The following CADM3 variants were observed in gnomAD, a reference collection of about 807,000 sequenced individuals.
The protein encoded by CADM3 is TSLC1-like 1.
Under a neutral mutation model 44.9 loss-of-function variants are expected in CADM3, and 11 were observed. The ratio of observed to expected loss-of-function variants is 0.25; its 90% CI spans 0.15 to 0.41. The LOEUF (loss-of-function observed/expected upper bound fraction) is 0.41. CADM3 is among the 10% of genes least tolerant of loss of function. The probability of loss-of-function intolerance (pLI) is 1.00; values close to 1 mark genes in which losing one functional copy is unlikely to be tolerated. For synonymous variants in CADM3, 207 were observed against 205.2 expected (o/e 1.01, Z -0.08); for missense variants, 426 against 512.0 (o/e 0.83, Z 1.62).
intron 1 of CADM3, among the ~76,000 whole-genome samples, chr1:159,172,100 T>A (rs1427578902): frequency 6.6e-6 from 1 of 152,112 alleles, no homozygotes; most frequent in Non-Finnish European, 1.5e-5. Flanking sequence ...GGGGTTTGGC[T>A]CTCGGGGCTG....
chr1:159,181,772 C>T (rs964143277), intron 1 of CADM3, among the ~76,000 whole-genome samples: 1 of 152,158 alleles, frequency 6.6e-6, no homozygotes, highest in African/African-American at 2.4e-5. Flanking sequence ...GCACCAAGAA[C>T]ACTGACTCAA....
intron 1 of CADM3, among the ~76,000 whole-genome samples, chr1:159,184,648 C>T (rs370597333): frequency 3.3e-5 from 5 of 152,156 alleles, no homozygotes; most frequent in African/African-American, 4.8e-5. Flanking sequence ...AAAACAGACA[C>T]GGCAGGGACA....
chr1:159,200,663 G>A (rs907763079), intron 8 of CADM3, 141 bp from the exon 9 acceptor site: 7 of 592,674 alleles, frequency 1.2e-5, no homozygotes. Context: ...ATGCGAATTA[G>A]GTAAGGTGGA....
chr1:159,185,171 GA>G (rs1400710952), intron 1 of CADM3, among the ~76,000 whole-genome samples: 1 of 152,184 alleles, frequency 6.6e-6, no homozygotes, highest in Non-Finnish European at 1.5e-5. Context: ...AGGGGTCCAT[GA>G]AATAGTCCCA....
Position 159,193,410 on chromosome 1 carries a change from C to T in CADM3, c.383-13C>T, listed in dbSNP as rs1649750771. The T allele has an allele frequency of 1.3e-6, 2 of 1,582,172 alleles. No homozygotes were observed. Among genetic ancestry groups the T allele is most frequent in the South Asian group, 1.2e-5 (1 of 84,850 alleles). On this transcript the variant is annotated splice_polypyrimidine_tract_variant and intron_variant, in intron 3 of 8. Transcript: ENST00000368125. Reference sequence around the variant, plus strand: ...CTCTCCTTCCTATCCTGGCCATCCCCTATCCATGGCAGGAATTCCACAGAA... The same window carrying T: ...CTCTCCTTCCTATCCTGGCCATCCCTTATCCATGGCAGGAATTCCACAGAA...
chr1:159,191,869 CT>C, intron 1 of CADM3, 66 bp from the exon 2 acceptor site: 1 of 1,595,814 alleles, frequency 6.3e-7, no homozygotes, highest in Non-Finnish European at 8.6e-7. Flanking sequence ...ATGAGGTGTA[CT>C]TTGGCTCAGA....
Position 159,182,772 on chromosome 1 carries a change from C to T in CADM3, c.89-9164C>T, listed in dbSNP as rs553069427. Among the ~76,000 whole-genome samples the T allele has an allele frequency of 4.6e-5, 7 of 152,256 alleles. No individual in the cohort carries two copies. The South Asian group carries it at 6.2e-4, about 14-fold the overall frequency. ...GGATTCAGTAGGCTATGACCAGATACGCAAGTTGGCTGCAAGGTTTTAGGA... is the reference window on the plus strand; with the variant it reads ...GGATTCAGTAGGCTATGACCAGATATGCAAGTTGGCTGCAAGGTTTTAGGA... On this transcript the variant is annotated intron_variant, in intron 1 of 8. Coordinates refer to ENST00000368125, the MANE Select transcript of CADM3 (RefSeq NM_001127173.3).
intron 7 of CADM3, 25 bp downstream of exon 7, chr1:159,197,085 T>G: frequency 1.9e-6 from 3 of 1,605,906 alleles, no homozygotes; most frequent in Non-Finnish European, 2.6e-6. Context: ...GTTCTCTTCC[T>G]CCAGAATCTC....
intron 1 of CADM3, among the ~76,000 whole-genome samples, chr1:159,190,347 A>G (rs1649598444): frequency 6.6e-6 from 1 of 152,222 alleles, no homozygotes; most frequent in Admixed American, 6.5e-5. Context: ...CATAGTTTTA[A>G]TGCTCAATTT....
intron 2 of CADM3, 152 bp downstream of exon 2, chr1:159,192,228 G>T (rs545145420): frequency 6.0e-6 from 5 of 827,140 alleles, no homozygotes; most frequent in Non-Finnish European, 9.3e-6. Flanking sequence ...TCCCCAACTG[G>T]TTCCAGTATT....
At chr1:159,200,160 C>T (rs1650098261) in intron 8 of CADM3, among the ~76,000 whole-genome samples, 1 of 152,178 alleles carries the variant, frequency 6.6e-6, no homozygotes, top group South Asian at 2.1e-4. Flanking sequence ...ACCTCCAGGT[C>T]TCCTGCTGCA....
chr1:159,199,587 G>T (rs550682215), intron 7 of CADM3, among the ~76,000 whole-genome samples, 164 bp from the exon 8 acceptor site: 1 of 152,094 alleles, frequency 6.6e-6, no homozygotes, highest in Non-Finnish European at 1.5e-5. Context: ...TATAATACAG[G>T]TGTGGCGTAT....
chr1:159,193,781 C>T (rs1305808488), intron 4 of CADM3, 89 bp from the exon 5 acceptor site: 1 of 1,541,226 alleles, frequency 6.5e-7, no homozygotes, highest in Non-Finnish European at 8.9e-7. Flanking sequence ...TGTACGTCTA[C>T]AATGAGGCCC....
intron 1 of CADM3, among the ~76,000 whole-genome samples, chr1:159,190,400 T>C (rs973945496): frequency 5.9e-5 from 9 of 152,230 alleles, no homozygotes; most frequent in African/African-American, 2.2e-4. Flanking sequence ...GGGCACCTTA[T>C]TGAAAGACAC....
Position 159,200,847 on chromosome 1 carries a change from A to G in CADM3, c.1122A>G (p.Pro374=). 6 of 1,610,210 alleles carry G rather than the reference A, an allele frequency of 3.7e-6. No homozygotes were observed. Among genetic ancestry groups the G allele is most frequent in the Non-Finnish European group, 5.1e-6 (6 of 1,178,024 alleles). ...AGGCAAAAGGCTCCGACGATGCTCCAGACGCGGACACGGCCATCATCAATG... is the reference window on the plus strand; with the variant it reads ...AGGCAAAAGGCTCCGACGATGCTCCGGACGCGGACACGGCCATCATCAATG... ...THEAKGSDDA[P]DADTAIINAE... Residue 374 remains proline, a synonymous_variant, in exon 9 of 9, where the codon CCA becomes CCG. Coordinates refer to ENST00000368125, the MANE Select transcript of CADM3 (RefSeq NM_001127173.3).
In CADM3 at chr1:159,192,694, C is replaced by T; in HGVS notation, c.346C>T (p.Pro116Ser). 1 of 1,614,040 alleles carries T rather than the reference C, an allele frequency of 6.2e-7. No individual in the cohort carries two copies. ...GTACACCTGCTCAATCTTCACTATG[C>T]CTGTGCGAACTGCCAAGTCCCTCGT... The part of the protein sequence containing the change: ...GEYTCSIFTM[P>S]VRTAKSLVTV... Residue 116 changes from proline (P) to serine (S), a missense_variant, in exon 3 of 9, where the codon CCT becomes TCT. Transcript: ENST00000368125.
chr1:159,200,904 G>A lies in CADM3; in HGVS notation c.1179G>A (p.Lys393=), dbSNP rs369450782. 66 of 1,606,120 alleles carry A rather than the reference G, an allele frequency of 4.1e-5. No homozygotes were observed. The highest frequency in any genetic ancestry group is 5.4e-5 in the Non-Finnish European group (64 of 1,176,318). The change falls in exon 9 of 9, where the codon AAG becomes AAA. Residue 393 remains lysine, a synonymous_variant. Transcript: ENST00000368125. ...AEGGQSGGDD[K]KEYFI ...GCGGGCAGTCAGGAGGGGACGACAA[G>A]AAGGAATATTTCATCTAGAGGCGCC...
At chr1:159,186,990 C>T (rs1649443064) in intron 1 of CADM3, among the ~76,000 whole-genome samples, 1 of 152,190 alleles carries the variant, frequency 6.6e-6, no homozygotes, top group Admixed American at 6.5e-5. Flanking sequence ...GAATGATCTA[C>T]ATCACTATTT....
rs1648867341 is a variant in CADM3 at position 159,172,780 on chromosome 1, G to A, written c.88+927G>A. Among the ~76,000 whole-genome samples, 4 of 152,230 alleles carry A rather than the reference G, an allele frequency of 2.6e-5. 1 individual carries two copies. The South Asian group carries it at 8.3e-4, about 32-fold the overall frequency. ...GGGAGTCGGGGGAGAAAGGAGGCGG[G>A]GCCAGGGGTGAGGGGACTTGGGGAA... On this transcript the variant is annotated intron_variant, in intron 1 of 8. Transcript: ENST00000368125.
Sources: gnomAD v4.1 joint callset for allele counts (sites outside exome capture counted in the v4.1 genomes callset) on GRCh38, gnomAD v4.1.1 for gene constraint, MANE v1.5 for transcripts, NCBI Gene and HGNC (gene_info 2026-07-23, HGNC 2026-07-21) for gene names.